CROCC2: variants seen among roughly 807,000 people sequenced by gnomAD.
CROCC2 encodes ciliary rootlet coiled-coil protein 2.
Under a neutral mutation model 177.6 loss-of-function variants are expected in CROCC2, and 163 were observed. The observed-to-expected ratio is 0.92, with a 90% CI of 0.81 to 1.05. The LOEUF (loss-of-function observed/expected upper bound fraction) is 1.05. Among genes scored for constraint, CROCC2 ranks in the 50% least tolerant of loss-of-function variants. The pLI is 0.00. For missense variants in CROCC2, 1,929 were observed against 1,797.8 expected (o/e 1.07, Z -1.32); for synonymous variants, 904 against 787.3 (o/e 1.15, Z -2.48).
rs938702707 is a variant in CROCC2 at position 240,918,648 on chromosome 2, C to T, written c.79-78C>T. On this transcript the variant is annotated intron_variant, in intron 1 of 31. Transcript: ENST00000690015. The surrounding 1 kb of genome is among the most constrained non-coding windows in gnomAD (Gnocchi z 6.3). ...CTTGGGGTGGCCCTGTGGCGGCTCC[C>T]ATTCAGTGGGATCGTAGAGGGTGCC... 2.3e-5 allele frequency: 12 copies of T among 511,870 alleles called. No individual in the cohort carries two copies. Among genetic ancestry groups the T allele is most frequent in the Admixed American group, 1.1e-4 (3 of 26,488 alleles). The allele number at this position is 511,870 out of a possible 1,614,324, so 31.7% of individuals were successfully genotyped here. A position where few individuals can be genotyped will look rare whatever the true frequency, so the allele number is the denominator to read the frequency against.
rs572203584 is a variant in CROCC2 at position 240,965,738 on chromosome 2, A to G, written c.3706A>G (p.Thr1236Ala). 1.3e-6 allele frequency: 2 copies of G among 1,541,046 alleles called. No homozygotes were observed. The highest frequency in any genetic ancestry group is 4.0e-5 in the Admixed American group (2 of 50,046). Residue 1236 changes from threonine (T) to alanine (A), a missense_variant, in exon 24 of 32, where the codon ACC becomes GCC. This residue lies in a region of CROCC2 where 144 missense variants were observed against 205.2 expected (regional missense o/e 0.70). Transcript: ENST00000690015. The stretch of plus-strand genomic sequence containing the variant: ...CCGTGAGAGCCGGGGGGCTGAGCAG[A>G]CCCTCCGAGCAGAGCTGCACAGTGT... ...HLRESRGAEQ[T>A]LRAELHSVTR... is the part of the protein sequence containing the mutation.
At chr2:240,944,660 A>G (rs1002587637) in intron 14 of CROCC2, among the ~76,000 whole-genome samples, 1 of 151,450 alleles carries the variant, frequency 6.6e-6, no homozygotes, top group Non-Finnish European at 1.5e-5. Flanking sequence ...ATCCAGTTCT[A>G]TTGTTAAACT....
rs1404267429 is a variant in CROCC2 at position 240,972,020 on chromosome 2, G to C, written c.4401+3758G>C. On this transcript the variant is annotated intron_variant, in intron 27 of 31. Coordinates refer to ENST00000690015, the MANE Select transcript of CROCC2 (RefSeq NM_001351305.2). The surrounding 1 kb of genome is among the most constrained non-coding windows in gnomAD (Gnocchi z 7.1). ...TGAGAACACTAGTTACCATCTTCTG[G>C]TGTGTGTCAGTAGCTCACTTCTCTG... 1.3e-5 allele frequency among the ~76,000 whole-genome samples: 2 copies of C among 152,110 alleles called. No homozygotes were observed. The highest frequency in any genetic ancestry group is 4.8e-5 in the African/African-American group (2 of 41,420).
At chr2:240,950,261 C>T in intron 17 of CROCC2, 73 bp from the exon 18 acceptor site, 1 of 1,451,228 alleles carries the variant, frequency 6.9e-7, no homozygotes, top group South Asian at 1.4e-5. Flanking sequence ...CGGGCCAGGT[C>T]TCACTCAGGA....
chr2:240,965,474 C>T lies in CROCC2; in HGVS notation c.3559C>T (p.Gln1187Ter). 6.5e-7 allele frequency: 1 copy of T among 1,550,052 alleles called. No individual in the cohort carries two copies. The highest frequency in any genetic ancestry group is 8.7e-7 in the Non-Finnish European group (1 of 1,146,984). ...CSQEVLELRR[Q>*]AAKAEAKHEG... is the part of the protein sequence containing the mutation. Reference sequence around the variant, plus strand: ...GCAGGAGGTGCTGGAGCTGCGGAGGCAGGCAGCCAAGGCAGAGGCCAAGCA... The same window carrying T: ...GCAGGAGGTGCTGGAGCTGCGGAGGTAGGCAGCCAAGGCAGAGGCCAAGCA... The change falls in exon 23 of 32, where the codon CAG (glutamine) becomes TAG (stop). Residue 1187 changes from glutamine to a stop codon, truncating the protein, a stop_gained. Coordinates refer to ENST00000690015, the MANE Select transcript of CROCC2 (RefSeq NM_001351305.2). LOFTEE classifies it high-confidence loss of function.
intron 1 of CROCC2, among the ~76,000 whole-genome samples, chr2:240,915,971 A>ACAGCCTGGGCCC (rs1489877288): frequency 6.6e-6 from 1 of 152,146 alleles, no homozygotes; most frequent in Non-Finnish European, 1.5e-5. Flanking sequence ...ACGCTGGGCC[A>ACAGCCTGGGCCC]CAGCCTGGGC....
chr2:240,950,694 T>C (rs1236569736), intron 18 of CROCC2, 184 bp downstream of exon 18: 4 of 597,522 alleles, frequency 6.7e-6, no homozygotes, highest in Non-Finnish European at 1.2e-5. Context: ...CATCCAGCCA[T>C]CTGTCCATTC....
At position 240,993,285 on chromosome 2, in the gene CROCC2, A is replaced by AT; in HGVS notation, c.*208dup. On this transcript the variant is annotated 3_prime_UTR_variant, in exon 32 of 32. Coordinates refer to ENST00000690015, the MANE Select transcript of CROCC2 (RefSeq NM_001351305.2). ...GCATGTGGGGGCCTCCGAATTTTGA[A>AT]TTTTAATAAATAGTTGAATCAGCGT... The AT allele has an allele frequency of 1.8e-6, 1 of 545,896 alleles. No individual in the cohort carries two copies. Among genetic ancestry groups the AT allele is most frequent in the Non-Finnish European group, 3.3e-6 (1 of 302,266 alleles). 33.8% of individuals were successfully genotyped at this position (545,896 alleles called of 1,614,324 possible).
chr2:240,991,997 GC>G (rs2059883261), intron 31 of CROCC2, among the ~76,000 whole-genome samples: 2 of 152,180 alleles, frequency 1.3e-5, no homozygotes, highest in South Asian at 4.1e-4. Context: ...CTCACTGGCC[GC>G]CAGAAGAAGG....
At chr2:240,971,158 A>T (rs2059717957) in intron 27 of CROCC2, among the ~76,000 whole-genome samples, 1 of 152,124 alleles carries the variant, frequency 6.6e-6, no homozygotes, top group African/African-American at 2.4e-5. Context: ...CTCACACCTC[A>T]TGGCTCCCTT....
intron 18 of CROCC2, among the ~76,000 whole-genome samples, chr2:240,951,503 T>C (rs1169927792): frequency 6.6e-6 from 1 of 152,142 alleles, no homozygotes. Flanking sequence ...TGAATATCCA[T>C]TCTTCTTTCC....
intron 28 of CROCC2, chr2:240,985,926 T>C (rs4675835): frequency 0.52 from 239,080 of 455,784 alleles, 63,361 homozygotes; most frequent in East Asian, 0.62. Flanking sequence ...AGTGGGCACA[T>C]GGCCCCAGCC....
rs2059606582 is a variant in CROCC2 at position 240,958,283 on chromosome 2, G to A, written c.2944-1018G>A. The A allele has an allele frequency of 1.3e-6, 1 of 781,820 alleles. No individual in the cohort carries two copies. Among genetic ancestry groups the A allele is most frequent in the Non-Finnish European group, 1.6e-6 (1 of 643,910 alleles). The allele number at this position is 781,820 out of a possible 1,614,324, so 48.4% of individuals were successfully genotyped here. A position where few individuals can be genotyped will look rare whatever the true frequency, so the allele number is the denominator to read the frequency against. ...GGTATCCTGCAGCCAGGCCTCAGGG[G>A]CACCCATCACTGGCAGTGTTGGGGC... On this transcript the variant is annotated intron_variant, in intron 19 of 31. Transcript: ENST00000690015. This position sits in a 1 kb window ranked among gnomAD's most constrained non-coding sequence, Gnocchi z 6.7.
chr2:240,946,307 A>G, intron 15 of CROCC2, 54 bp downstream of exon 15: 2 of 1,461,638 alleles, frequency 1.4e-6, no homozygotes, highest in African/African-American at 1.4e-5. Context: ...GCCCACAGAG[A>G]GTCTGCAGTG....
chr2:240,946,205 C>A lies in CROCC2; in HGVS notation c.2315C>A (p.Ala772Asp), dbSNP rs570354089. Residue 772 changes from alanine (A) to aspartate (D), a missense_variant, in exon 15 of 32, where the codon GCC (alanine) becomes GAC (aspartate). Physicochemically the swap from Ala to Asp is moderately radical, Grantham distance 126 (BLOSUM62 -2). Coordinates refer to ENST00000690015, the MANE Select transcript of CROCC2 (RefSeq NM_001351305.2). ...GCCCAGCTGCTGGCCAAGCAGGAGG[C>A]CTTGGAGAGGCAGGGCCGGCTCGCA... is the stretch of plus-strand genomic sequence containing the variant. Reference protein sequence around the residue: ...ERAQLLAKQEALERQGRLAAE... With the variant: ...ERAQLLAKQEDLERQGRLAAE... 164 of 1,545,962 alleles carry A rather than the reference C, an allele frequency of 1.1e-4. No individual in the cohort carries two copies. The African/African-American group carries it at 2.1e-3, about 20-fold the overall frequency.
chr2:240,988,674 G>A (rs1258875826), intron 28 of CROCC2, 65 bp from the exon 29 acceptor site: 11 of 1,296,618 alleles, frequency 8.5e-6, no homozygotes, highest in Non-Finnish European at 9.9e-6. Flanking sequence ...GCTCCCAGAG[G>A]AGGGCTGGCC....
chr2:240,935,421 G>T lies in CROCC2; in HGVS notation c.2002G>T (p.Ala668Ser). ...GACTCTGGAGCAGGAACGGGCCCGG[G>T]CCGGGGAGCAGCTGGCACAGGCGGA... ...RKTLEQERAR[A>S]GEQLAQAEQQ... The change falls in exon 14 of 32, where the codon GCC (alanine) becomes TCC (serine). Residue 668 changes from alanine to serine, a missense_variant. Coordinates refer to ENST00000690015, the MANE Select transcript of CROCC2 (RefSeq NM_001351305.2). 7.3e-7 allele frequency: 1 copy of T among 1,379,132 alleles called. No homozygotes were observed. Among genetic ancestry groups the T allele is most frequent in the South Asian group, 1.8e-5 (1 of 56,470 alleles). The allele number at this position is 1,379,132 out of a possible 1,614,324, so 85.4% of individuals were successfully genotyped here. A position where few individuals can be genotyped will look rare whatever the true frequency, so the allele number is the denominator to read the frequency against.
rs1265675443 is a variant in CROCC2, at chr2:240,968,202, G to A, written c.4341G>A (p.Arg1447=). 6.5e-7 allele frequency: 1 copy of A among 1,533,226 alleles called. No homozygotes were observed. The highest frequency in any genetic ancestry group is 1.2e-5 in the South Asian group (1 of 83,870). The allele number at this position is 1,533,226 out of a possible 1,614,324, so 95.0% of individuals were successfully genotyped here. A position where few individuals can be genotyped will look rare whatever the true frequency, so the allele number is the denominator to read the frequency against. Residue 1447 remains arginine, a synonymous_variant, in exon 27 of 32, where the codon AGG becomes AGA. Transcript: ENST00000690015. ...ARALQKEALR[R]LELEHLASVR... Reference sequence around the variant, plus strand: ...CCCTGCAGAAGGAGGCGCTCCGCAGGCTGGAGTTGGAGCACCTGGCGAGCG... The same window carrying A: ...CCCTGCAGAAGGAGGCGCTCCGCAGACTGGAGTTGGAGCACCTGGCGAGCG...
chr2:240,966,488 C>G, intron 25 of CROCC2, 79 bp downstream of exon 25: 1 of 398,692 alleles, frequency 2.5e-6, no homozygotes, highest in Non-Finnish European at 4.4e-6. Flanking sequence ...GTCCATCCAT[C>G]CGCGCGTCCC....
Sources: allele counts gnomAD v4.1 joint callset (sites outside exome capture counted in the v4.1 genomes callset), GRCh38; gene constraint gnomAD v4.1.1; regional missense constraint gnomAD v4.1.1; non-coding constraint Gnocchi (gnomAD v3.1); transcripts MANE v1.5; gene names NCBI Gene and HGNC (gene_info 2026-07-23, HGNC 2026-07-21).